HEPH: variants seen among roughly 807,000 people sequenced by gnomAD.
HEPH encodes hephaestin.
HEPH carries 69 observed loss-of-function variants against 80.8 expected under a neutral mutation model. The ratio of observed to expected loss-of-function variants is 0.85; its 90% CI spans 0.70 to 1.04. HEPH has a LOEUF of 1.04. HEPH is among the 50% of genes least tolerant of loss of function. HEPH has a pLI of 0.00. For synonymous variants in HEPH, 431 were observed against 322.8 expected, an observed-to-expected ratio of 1.34 and a Z score of -3.60; for missense variants, 1,115 against 891.3, an observed-to-expected ratio of 1.25 and a Z score of -3.20.
chrX:66,203,795 T>C (rs1430018057), intron 13 of HEPH, among the ~76,000 whole-genome samples: 1 of 111,237 alleles, frequency 9.0e-6, no homozygotes, highest in African/African-American at 3.3e-5. Context: ...ACCTTCACCC[T>C]CTTAATCTTT....
rs766936765 is a variant in HEPH at position 66,175,460 on chromosome X, T to C, written c.625+1659T>C. On this transcript the variant is annotated intron_variant, in intron 4 of 20. Coordinates refer to ENST00000343002, the MANE Select transcript of HEPH (RefSeq NM_001367233.3). ...TAGTGTGATGCCTCCAGATTTGTTT[T>C]TTTTGCTTAGTCTTGCTTTGGCTAT... 3.6e-5 allele frequency among the ~76,000 whole-genome samples: 4 copies of C among 112,055 alleles called. No homozygotes were observed. The East Asian group carries it at 1.1e-3, about 31-fold the overall frequency.
At chrX:66,186,803 C>A (rs1267468804) in intron 4 of HEPH, among the ~76,000 whole-genome samples, 1 of 112,316 alleles carries the variant, frequency 8.9e-6, no homozygotes, top group Non-Finnish European at 1.9e-5. Flanking sequence ...TCCCCTATTG[C>A]TCCTCCAAAT....
intron 15 of HEPH, among the ~76,000 whole-genome samples, chrX:66,241,200 T>A (rs2090562823): frequency 8.9e-6 from 1 of 112,048 alleles, no homozygotes; most frequent in African/African-American, 3.2e-5. Context: ...AACTATAGGA[T>A]CATGCCTAAA....
chrX:66,170,786 T>C (rs2086564138), intron 2 of HEPH, 49 bp downstream of exon 2: 2 of 1,103,075 alleles, frequency 1.8e-6, no homozygotes, highest in East Asian at 3.1e-5. Context: ...GGGAGCACTC[T>C]TGAGGTCAGG....
intron 11 of HEPH, among the ~76,000 whole-genome samples, chrX:66,200,241 GGT>G (rs57136656): frequency 0.013 from 1,162 of 90,826 alleles, 39 homozygotes; most frequent in Admixed American, 0.092. Flanking sequence ...AGGAGAGATT[GGT>G]GTGTGTGTGT....
intron 4 of HEPH, among the ~76,000 whole-genome samples, chrX:66,175,351 T>C (rs2086755298): frequency 8.9e-6 from 1 of 111,989 alleles, no homozygotes; most frequent in African/African-American, 3.2e-5. Flanking sequence ...TTCTCTATTC[T>C]GTTCCACTGG....
At chrX:66,249,937 G>A (rs2090946453) in intron 15 of HEPH, among the ~76,000 whole-genome samples, 1 of 111,475 alleles carries the variant, frequency 9.0e-6, no homozygotes, top group African/African-American at 3.3e-5. Flanking sequence ...TAGAGTAACA[G>A]GCAAGAAGAC....
intron 15 of HEPH, among the ~76,000 whole-genome samples, chrX:66,238,215 G>A (rs1330082237): frequency 9.0e-6 from 1 of 111,534 alleles, no homozygotes; most frequent in Non-Finnish European, 1.9e-5. Context: ...GTTGTCATTA[G>A]TCTGTGTACT....
intron 15 of HEPH, among the ~76,000 whole-genome samples, chrX:66,226,649 G>A (rs1415698882): frequency 9.0e-6 from 1 of 111,364 alleles, no homozygotes; most frequent in Non-Finnish European, 1.9e-5. Flanking sequence ...ATCACTCAAG[G>A]CTACTATGAA....
chrX:66,169,339 G>C (rs2086492569), intron 1 of HEPH, among the ~76,000 whole-genome samples: 2 of 112,162 alleles, frequency 1.8e-5, no homozygotes, highest in Admixed American at 1.9e-4. Flanking sequence ...GTAAATGGAA[G>C]TGTGTGCATC....
chrX:66,164,386 C>A lies in HEPH; in HGVS notation c.-98C>A, dbSNP rs5919016. 6.4e-4 allele frequency: 485 copies of A among 752,046 alleles called. 1 individual carries two copies. Among genetic ancestry groups the A allele is most frequent in the Non-Finnish European group, 7.2e-4 (461 of 638,491 alleles). The allele number at this position is 752,046 out of a possible 1,213,427, so 62.0% of individuals were successfully genotyped here. ...CCCTGTAACCAAGATACTGACTGAA[C>A]ATGGCTGGCGGACTCAGGCTGGGGT... is the stretch of plus-strand genomic sequence containing the variant. On this transcript the variant is annotated 5_prime_UTR_variant, in exon 1 of 21. Coordinates refer to ENST00000343002, the MANE Select transcript of HEPH (RefSeq NM_001367233.3).
chrX:66,231,484 G>T (rs2090138313), intron 15 of HEPH, among the ~76,000 whole-genome samples: 1 of 108,535 alleles, frequency 9.2e-6, no homozygotes, highest in East Asian at 2.9e-4. Flanking sequence ...CCTTGAAGAG[G>T]TCCTTCACAT....
intron 15 of HEPH, among the ~76,000 whole-genome samples, chrX:66,241,367 C>T (rs774600589): frequency 1.8e-5 from 2 of 111,553 alleles, no homozygotes; most frequent in East Asian, 5.6e-4. Context: ...AGAAACCCAA[C>T]TCACATGCAA....
At chrX:66,255,900 G>A (rs1274373617) in intron 16 of HEPH, among the ~76,000 whole-genome samples, 2 of 112,441 alleles carry the variant, frequency 1.8e-5, no homozygotes, top group African/African-American at 6.5e-5. Flanking sequence ...TAAAGCATAG[G>A]TCAGATAGTG....
chrX:66,224,251 G>A (rs768865880), intron 15 of HEPH, among the ~76,000 whole-genome samples: 2 of 111,054 alleles, frequency 1.8e-5, no homozygotes, highest in South Asian at 7.5e-4. Flanking sequence ...GTAAGTTTGG[G>A]ATTTTAATTA....
chrX:66,173,486 A>G, intron 3 of HEPH, 103 bp from the exon 4 acceptor site: 1 of 526,630 alleles, frequency 1.9e-6, no homozygotes. Flanking sequence ...TACATTTTAT[A>G]AGACTGGACC....
intron 16 of HEPH, 140 bp from the exon 17 acceptor site, chrX:66,255,965 G>T (rs2091165423): frequency 6.7e-6 from 3 of 446,413 alleles, no homozygotes; most frequent in East Asian, 3.7e-5. Flanking sequence ...AACATAGTGG[G>T]GTACTTATAA....
intron 17 of HEPH, among the ~76,000 whole-genome samples, chrX:66,257,667 G>A (rs777901907): frequency 1.8e-5 from 2 of 111,949 alleles, no homozygotes; most frequent in Non-Finnish European, 3.8e-5. Context: ...ATAATGAATC[G>A]GCTATTGCCC....
intron 8 of HEPH, among the ~76,000 whole-genome samples, chrX:66,194,069 G>A (rs1184367140): frequency 8.9e-6 from 1 of 111,800 alleles, no homozygotes; most frequent in East Asian, 2.8e-4. Flanking sequence ...ACTTGAAATA[G>A]GAGGAATGCA....
Sources: allele counts gnomAD v4.1 joint callset (sites outside exome capture counted in the v4.1 genomes callset), GRCh38; gene constraint gnomAD v4.1.1; transcripts MANE v1.5; gene names NCBI Gene and HGNC (gene_info 2026-07-23, HGNC 2026-07-21).